Variants in PTPRK observed in about 807,000 individuals in gnomAD.
PTPRK encodes receptor-type tyrosine-protein phosphatase kappa.
In PTPRK, 75 loss-of-function variants were observed where a neutral mutation model predicts 178.0. That is an observed-to-expected ratio of 0.42 (90% CI 0.35 to 0.51). PTPRK has a LOEUF of 0.51. Ranked by LOEUF, PTPRK falls within the 20% of genes least tolerant of loss-of-function variation. PTPRK has a pLI of 0.02. For synonymous variants in PTPRK, 637 were observed against 620.6 expected (o/e 1.03, Z -0.39); for missense variants, 1,441 against 1,797.8 (o/e 0.80, Z 3.59).
At chr6:128,224,866 G>T (rs1811006734) in intron 5 of PTPRK, among the ~76,000 whole-genome samples, 1 of 152,164 alleles carries the variant, frequency 6.6e-6, no homozygotes, top group East Asian at 1.9e-4. Flanking sequence ...GGGAAATGCT[G>T]ATGCACTCAG....
chr6:128,266,043 T>G (rs1164261237), intron 3 of PTPRK, among the ~76,000 whole-genome samples: 1 of 152,056 alleles, frequency 6.6e-6, no homozygotes, highest in East Asian at 1.9e-4. Context: ...GTGCCTTGAT[T>G]TTGGACTCCC....
chr6:128,175,844 G>T (rs1402514767), intron 7 of PTPRK, among the ~76,000 whole-genome samples: 1 of 151,768 alleles, frequency 6.6e-6, no homozygotes, highest in Non-Finnish European at 1.5e-5. Context: ...GCCCTCCAAA[G>T]AAATCAAGCT....
At chr6:128,434,703 T>C (rs751341860) in intron 1 of PTPRK, among the ~76,000 whole-genome samples, 56 of 152,186 alleles carry the variant, frequency 3.7e-4, no homozygotes, top group Admixed American at 1.5e-3. Flanking sequence ...CATTCCAGAA[T>C]AAACTTGAAT....
chr6:128,098,510 A>T (rs1788267282), intron 7 of PTPRK, among the ~76,000 whole-genome samples: 1 of 152,140 alleles, frequency 6.6e-6, no homozygotes, highest in Admixed American at 6.6e-5. Context: ...ACCTATAGCC[A>T]GTCCATCAGT....
intron 1 of PTPRK, among the ~76,000 whole-genome samples, chr6:128,421,787 C>T (rs1316154579): frequency 6.6e-6 from 1 of 152,180 alleles, no homozygotes; most frequent in Admixed American, 6.5e-5. Flanking sequence ...TTTCTTCAAG[C>T]TCCGCAATCA....
intron 15 of PTPRK, among the ~76,000 whole-genome samples, chr6:128,001,698 T>C (rs1325269774): frequency 6.6e-6 from 1 of 151,908 alleles, no homozygotes; most frequent in East Asian, 1.9e-4. Context: ...TATTATACTG[T>C]TTTATAGATG....
chr6:128,006,134 C>A, intron 14 of PTPRK: 2 of 962,966 alleles, frequency 2.1e-6, no homozygotes, highest in Non-Finnish European at 3.0e-6. Context: ...TTCAATAAAG[C>A]AGAAAAATGT....
intron 7 of PTPRK, among the ~76,000 whole-genome samples, chr6:128,094,235 G>A (rs984481405): frequency 6.6e-6 from 1 of 152,116 alleles, no homozygotes; most frequent in Admixed American, 6.6e-5. Context: ...GTCATTGAGG[G>A]TTTCTGAGCA....
At chr6:128,431,169 C>T (rs1427975256) in intron 1 of PTPRK, among the ~76,000 whole-genome samples, 1 of 151,982 alleles carries the variant, frequency 6.6e-6, no homozygotes, top group East Asian at 1.9e-4. Context: ...AACTCCAGAC[C>T]TCAAGTGATC....
intron 2 of PTPRK, among the ~76,000 whole-genome samples, chr6:128,370,635 G>A (rs183793407): frequency 6.6e-6 from 1 of 151,842 alleles, no homozygotes; most frequent in Non-Finnish European, 1.5e-5. Context: ...TTAAATTCAG[G>A]ATTATCACAT....
intron 1 of PTPRK, among the ~76,000 whole-genome samples, chr6:128,497,779 GTT>G (rs34465746): frequency 8.7e-6 from 1 of 115,522 alleles, no homozygotes; most frequent in Middle Eastern, 4.9e-3. Context: ...CAAAAAGGTT[GTT>G]TTTTTTTTTC....
intron 14 of PTPRK, among the ~76,000 whole-genome samples, chr6:128,005,638 T>A (rs1008575991): frequency 3.9e-4 from 1 of 2,558 alleles, no homozygotes; most frequent in Non-Finnish European, 7.3e-4. Flanking sequence ...AACTTTTAGT[T>A]CCTTTTAGAA....
At chr6:128,504,317 C>G (rs997208641) in intron 1 of PTPRK, among the ~76,000 whole-genome samples, 3 of 152,118 alleles carry the variant, frequency 2.0e-5, no homozygotes, top group African/African-American at 7.2e-5. Context: ...AAATTATATG[C>G]TTTTCTAAAA....
chr6:128,371,552 T>G (rs1306618100), intron 2 of PTPRK, among the ~76,000 whole-genome samples: 2 of 152,186 alleles, frequency 1.3e-5, no homozygotes, highest in Non-Finnish European at 2.9e-5. Flanking sequence ...CATCAGCATA[T>G]TTCAACAGTA....
intron 6 of PTPRK, among the ~76,000 whole-genome samples, chr6:128,210,314 T>C (rs1480440458): frequency 6.6e-6 from 1 of 151,160 alleles, no homozygotes; most frequent in African/African-American, 2.4e-5. Flanking sequence ...TACTTACTGA[T>C]AGTAGGCATT....
At chr6:128,029,233 T>G (rs1774859541) in intron 13 of PTPRK, among the ~76,000 whole-genome samples, 1 of 152,090 alleles carries the variant, frequency 6.6e-6, no homozygotes, top group African/African-American at 2.4e-5. Context: ...TGCCAAGTGA[T>G]ACATGGTTCC....
rs564748288 is a variant in PTPRK at position 128,074,031 on chromosome 6, T to C, written c.1883+4782A>G. ...ATTTTAAAGCTATGCAACCCTAACA[T>C]ACATTTGTCTGTTAAGCTATCAGTG... On this transcript the variant is annotated intron_variant, in intron 11 of 29. Coordinates refer to ENST00000368226, the MANE Select transcript of PTPRK (RefSeq NM_002844.4). Among the ~76,000 whole-genome samples, 6 of 152,168 alleles carry C rather than the reference T, an allele frequency of 3.9e-5. No individual in the cohort carries two copies. In the East Asian group the frequency reaches 7.7e-4, roughly 20 times the overall value.
chr6:128,368,563 A>T (rs1022374623), intron 2 of PTPRK, among the ~76,000 whole-genome samples: 11 of 152,128 alleles, frequency 7.2e-5, no homozygotes, highest in African/African-American at 2.7e-4. Flanking sequence ...TTTTAACACA[A>T]AATAAATGCT....
intron 7 of PTPRK, among the ~76,000 whole-genome samples, chr6:128,164,157 C>G (rs1008216160): frequency 4.0e-5 from 6 of 151,326 alleles, no homozygotes; most frequent in African/African-American, 1.5e-4. Context: ...TATTACATAG[C>G]AACTATTGTG....
Sources: gnomAD v4.1 joint callset for allele counts (sites outside exome capture counted in the v4.1 genomes callset) on GRCh38, gnomAD v4.1.1 for gene constraint, MANE v1.5 for transcripts, NCBI Gene and HGNC (gene_info 2026-07-23, HGNC 2026-07-21) for gene names.